Variants in CFAP299 observed in about 807,000 individuals in gnomAD.
CFAP299 encodes cilia- and flagella-associated protein 299.
CFAP299 carries 21 observed loss-of-function variants against 27.0 expected under a neutral mutation model. The observed-to-expected ratio is 0.78, with a 90% CI of 0.55 to 1.12. The LOEUF is 1.12. CFAP299 is among the 50% of genes most tolerant of loss of function. The pLI is 0.00. For missense variants in CFAP299, 310 were observed against 276.6 expected, an observed-to-expected ratio of 1.12 and a Z score of -0.86; for synonymous variants, 104 against 98.1, an observed-to-expected ratio of 1.06 and a Z score of -0.36.
chr4:80,702,397 T>A (rs925813135), intron 3 of CFAP299, among the ~76,000 whole-genome samples: 1 of 151,860 alleles, frequency 6.6e-6, no homozygotes, highest in African/African-American at 2.4e-5. Context: ...AAATAAATTA[T>A]CTCTCTGCTT....
At chr4:80,587,130 C>T (rs980789911) in intron 3 of CFAP299, among the ~76,000 whole-genome samples, 2 of 151,984 alleles carry the variant, frequency 1.3e-5, no homozygotes, top group Non-Finnish European at 2.9e-5. Flanking sequence ...TAAAATGTTC[C>T]CTTTAAAGAA....
chr4:80,719,099 T>C (rs1318332437), intron 3 of CFAP299, among the ~76,000 whole-genome samples: 1 of 151,938 alleles, frequency 6.6e-6, no homozygotes, highest in African/African-American at 2.4e-5. Context: ...GATGAGAACA[T>C]GTGGACAAAT....
intron 2 of CFAP299, among the ~76,000 whole-genome samples, chr4:80,398,924 GT>G (rs1725976432): frequency 6.6e-6 from 1 of 150,956 alleles, no homozygotes; most frequent in South Asian, 2.2e-4. Flanking sequence ...TGGGAGAAAA[GT>G]TTTGCAATCT....
intron 2 of CFAP299, among the ~76,000 whole-genome samples, chr4:80,539,485 T>C (rs912597195): frequency 6.6e-6 from 1 of 152,170 alleles, no homozygotes; most frequent in African/African-American, 2.4e-5. Context: ...CTAGTTTGAA[T>C]AATGCCAATG....
At chr4:80,420,746 A>T (rs1476814327) in intron 2 of CFAP299, among the ~76,000 whole-genome samples, 2 of 151,890 alleles carry the variant, frequency 1.3e-5, no homozygotes, top group East Asian at 1.9e-4. Context: ...GTTTCCTTTG[A>T]TGTGTGTCCT....
intron 2 of CFAP299, among the ~76,000 whole-genome samples, chr4:80,447,136 T>TTG (rs1553923901): frequency 3.7e-5 from 4 of 108,924 alleles, no homozygotes; most frequent in African/African-American, 1.2e-4. Context: ...TTTTGTTTTT[T>TTG]TTTTTTTTTT....
intron 2 of CFAP299, among the ~76,000 whole-genome samples, chr4:80,412,323 A>C (rs115127183): frequency 0.017 from 2,592 of 152,156 alleles, 73 homozygotes; most frequent in African/African-American, 0.058. Flanking sequence ...TTATAATTCA[A>C]ATATACATGT....
At chr4:80,429,445 C>G (rs1230083443) in intron 2 of CFAP299, among the ~76,000 whole-genome samples, 3 of 152,122 alleles carry the variant, frequency 2.0e-5, no homozygotes, top group African/African-American at 4.8e-5. Context: ...CCTTTAACTT[C>G]ATTTAATGAC....
intron 1 of CFAP299, among the ~76,000 whole-genome samples, chr4:80,358,532 A>G (rs1303712363): frequency 1.3e-5 from 2 of 152,022 alleles, no homozygotes; most frequent in African/African-American, 2.4e-5. Context: ...GTGTGCACAT[A>G]TATTTCGGAT....
intron 2 of CFAP299, among the ~76,000 whole-genome samples, chr4:80,493,697 G>A (rs941711923): frequency 2.0e-5 from 3 of 150,856 alleles, no homozygotes; most frequent in East Asian, 3.9e-4. Flanking sequence ...CTACTCAAAC[G>A]CTAGTGACTT....
intron 2 of CFAP299, among the ~76,000 whole-genome samples, chr4:80,550,257 G>A (rs890480972): frequency 1.3e-5 from 2 of 151,884 alleles, no homozygotes; most frequent in Non-Finnish European, 2.9e-5. Context: ...ATATAAAATC[G>A]TGAATAAGAC....
chr4:80,912,380 G>A (rs997746322), intron 4 of CFAP299, among the ~76,000 whole-genome samples: 1 of 152,108 alleles, frequency 6.6e-6, no homozygotes, highest in Non-Finnish European at 1.5e-5. Flanking sequence ...GAGCGAGAAA[G>A]GTTCGTCCCT....
At chr4:80,622,506 A>G (rs1412525812) in intron 3 of CFAP299, among the ~76,000 whole-genome samples, 1 of 152,160 alleles carries the variant, frequency 6.6e-6, no homozygotes, top group African/African-American at 2.4e-5. Flanking sequence ...GCCTATTTCT[A>G]TAGGCATCTT....
At chr4:80,713,807 G>T (rs1210225359) in intron 3 of CFAP299, among the ~76,000 whole-genome samples, 1 of 152,078 alleles carries the variant, frequency 6.6e-6, no homozygotes, top group Non-Finnish European at 1.5e-5. Flanking sequence ...TAAAGTAATG[G>T]CCTTCAGAAT....
intron 1 of CFAP299, among the ~76,000 whole-genome samples, chr4:80,360,519 A>G (rs761720704): frequency 1.2e-4 from 18 of 152,352 alleles, no homozygotes; most frequent in Admixed American, 2.0e-4. Flanking sequence ...TCTGAGTGAT[A>G]AGATCATAGT....
chr4:80,493,194 A>G (rs1731229381), intron 2 of CFAP299, among the ~76,000 whole-genome samples: 1 of 152,236 alleles, frequency 6.6e-6, no homozygotes, highest in African/African-American at 2.4e-5. Flanking sequence ...TGTTATAAAT[A>G]AAGTTTCAGT....
chr4:80,742,230 A>G (rs2110064966), intron 3 of CFAP299, among the ~76,000 whole-genome samples: 1 of 152,256 alleles, frequency 6.6e-6, no homozygotes, highest in Admixed American at 6.5e-5. Context: ...AAAATTTGAT[A>G]TTCCAGCAGG....
intron 4 of CFAP299, among the ~76,000 whole-genome samples, chr4:80,934,444 C>T (rs1578249802): frequency 6.6e-6 from 1 of 151,918 alleles, no homozygotes; most frequent in East Asian, 1.9e-4. Context: ...TTGAAATATT[C>T]CCTCCTATTC....
chr4:80,850,802 T>C (rs1731475646), intron 3 of CFAP299, among the ~76,000 whole-genome samples: 1 of 152,082 alleles, frequency 6.6e-6, no homozygotes. Flanking sequence ...GTAGTTATGA[T>C]AGTTCAACAG....
Sources: allele counts gnomAD v4.1 joint callset (sites outside exome capture counted in the v4.1 genomes callset), GRCh38; gene constraint gnomAD v4.1.1; transcripts MANE v1.5; gene names NCBI Gene and HGNC (gene_info 2026-07-23, HGNC 2026-07-21).